TAFA1: variants seen among roughly 807,000 people sequenced by gnomAD.
TAFA1 encodes TAFA chemokine like family member 1.
Under a neutral mutation model 18.5 loss-of-function variants are expected in TAFA1, and 4 were observed. The observed-to-expected ratio is 0.22, with a 90% CI of 0.11 to 0.49. The LOEUF is 0.49. Among genes scored for constraint, TAFA1 ranks in the 20% least tolerant of loss-of-function variants. The pLI, the probability that TAFA1 is intolerant of heterozygous loss-of-function variation, is 0.98. For missense variants in TAFA1, 147 were observed against 169.0 expected (o/e 0.87, Z 0.72); for synonymous variants, 56 against 55.2 (o/e 1.01, Z -0.06).
chr3:68,493,140 C>T (rs890886312), intron 3 of TAFA1, among the ~76,000 whole-genome samples: 4 of 152,086 alleles, frequency 2.6e-5, no homozygotes, highest in Admixed American at 6.5e-5. Flanking sequence ...TAAACAACAA[C>T]TCCCCTTTTC....
rs572380862 is a variant in TAFA1, at chr3:68,295,852, C to T, written c.119-121428C>T. On this transcript the variant is annotated intron_variant, in intron 2 of 4. Coordinates refer to ENST00000478136, the MANE Select transcript of TAFA1 (RefSeq NM_213609.4). ...CTCTAACTCCTGGCCTCAAGTGATC[C>T]TCTCTCCTTGGCCTCCTGTATTCCT... Among the ~76,000 whole-genome samples the T allele has an allele frequency of 3.3e-5, 5 of 152,214 alleles. No individual in the cohort carries two copies. The South Asian group carries it at 1.0e-3, about 32-fold the overall frequency.
At chr3:68,308,221 T>C (rs1044805191) in intron 2 of TAFA1, among the ~76,000 whole-genome samples, 1 of 152,210 alleles carries the variant, frequency 6.6e-6, no homozygotes, top group Non-Finnish European at 1.5e-5. Context: ...TATACACTGC[T>C]TGACATCCAA....
chr3:68,018,168 C>T (rs559768241), intron 2 of TAFA1, among the ~76,000 whole-genome samples: 2 of 152,292 alleles, frequency 1.3e-5, no homozygotes, highest in East Asian at 3.9e-4. Flanking sequence ...AATCTCAAGG[C>T]TGCCTTATCA....
At chr3:68,272,158 A>G (rs2067688580) in intron 2 of TAFA1, among the ~76,000 whole-genome samples, 1 of 152,204 alleles carries the variant, frequency 6.6e-6, no homozygotes, top group Non-Finnish European at 1.5e-5. Context: ...CCACCAGGTG[A>G]AAAGCTGCTC....
chr3:68,062,955 T>A (rs1183589529), intron 2 of TAFA1, among the ~76,000 whole-genome samples: 1 of 152,186 alleles, frequency 6.6e-6, no homozygotes, highest in African/African-American at 2.4e-5. Flanking sequence ...CTGAACTTTA[T>A]CGTCTAACAG....
intron 2 of TAFA1, among the ~76,000 whole-genome samples, chr3:68,317,585 G>T (rs978151247): frequency 6.6e-6 from 1 of 152,248 alleles, no homozygotes; most frequent in Middle Eastern, 3.4e-3. Flanking sequence ...GCTAAAGTGT[G>T]CTCTGTTTTG....
chr3:68,324,320 T>C (rs1469546420), intron 2 of TAFA1, among the ~76,000 whole-genome samples: 1 of 152,226 alleles, frequency 6.6e-6, no homozygotes, highest in Non-Finnish European at 1.5e-5. Flanking sequence ...GCCATAGATG[T>C]TAGATGCTAA....
chr3:68,226,789 A>C (rs1005590336), intron 2 of TAFA1, among the ~76,000 whole-genome samples: 18 of 152,196 alleles, frequency 1.2e-4, no homozygotes, highest in African/African-American at 4.3e-4. Flanking sequence ...CAGAGAACCA[A>C]TAGTTCTCAG....
intron 3 of TAFA1, among the ~76,000 whole-genome samples, chr3:68,527,154 A>C (rs1292363637): frequency 6.6e-6 from 1 of 152,208 alleles, no homozygotes; most frequent in Non-Finnish European, 1.5e-5. Flanking sequence ...AGTGAAAGCA[A>C]GACCAACATT....
intron 2 of TAFA1, among the ~76,000 whole-genome samples, chr3:68,108,023 C>G (rs184095776): frequency 1.3e-5 from 2 of 152,154 alleles, no homozygotes; most frequent in African/African-American, 4.8e-5. Context: ...CAGAAAATGA[C>G]AGGCTGATTG....
At chr3:68,347,906 T>C (rs1474402319) in intron 2 of TAFA1, among the ~76,000 whole-genome samples, 1 of 152,208 alleles carries the variant, frequency 6.6e-6, no homozygotes, top group East Asian at 1.9e-4. Context: ...GGATTCTTTA[T>C]CTCTCTCCAT....
rs181846881 is a variant in TAFA1, at chr3:68,430,829, A to G, written c.259+13409A>G. On this transcript the variant is annotated intron_variant, in intron 3 of 4. Transcript: ENST00000478136. ...ACAACTGCACACACACAGCAAACAA[A>G]CAAAACTTTTGGATGGAAATTTTAA... is the stretch of plus-strand genomic sequence containing the variant. Among the ~76,000 whole-genome samples, 160 of 152,060 alleles carry G rather than the reference A, an allele frequency of 1.1e-3. 1 individual carries two copies. The highest frequency in any genetic ancestry group is 8.5e-3 in the Admixed American group (129 of 15,226).
intron 2 of TAFA1, among the ~76,000 whole-genome samples, chr3:68,111,021 C>T (rs2065256145): frequency 6.6e-6 from 1 of 152,192 alleles, no homozygotes; most frequent in Admixed American, 6.5e-5. Flanking sequence ...CAATCTCTAA[C>T]TCTAGAATTA....
At chr3:68,024,599 C>T (rs983997991) in intron 2 of TAFA1, among the ~76,000 whole-genome samples, 1 of 152,098 alleles carries the variant, frequency 6.6e-6, no homozygotes, top group Non-Finnish European at 1.5e-5. Context: ...GAAGGCTAGC[C>T]TGGTTTACCA....
intron 2 of TAFA1, among the ~76,000 whole-genome samples, chr3:68,100,914 C>G (rs1244403188): frequency 6.6e-6 from 1 of 152,158 alleles, no homozygotes; most frequent in Non-Finnish European, 1.5e-5. Context: ...GTTGGCACAC[C>G]TAGCCAGCAT....
At position 68,057,764 on chromosome 3, in the gene TAFA1, G is replaced by C. The variant is rs182136365; in HGVS notation, c.118+51020G>C. On this transcript the variant is annotated intron_variant, in intron 2 of 4. Coordinates refer to ENST00000478136, the MANE Select transcript of TAFA1 (RefSeq NM_213609.4). ...AAGTGAAAGATACAGCCTCCAGTGA[G>C]AGTCAGAGAAGGAAATGTGACGACA... is the stretch of plus-strand genomic sequence containing the variant. Among the ~76,000 whole-genome samples, 101 of 152,296 alleles carry C rather than the reference G, an allele frequency of 6.6e-4. 1 individual carries two copies. Among genetic ancestry groups the C allele is most frequent in the African/African-American group, 2.4e-3 (98 of 41,588 alleles).
In TAFA1 at chr3:68,114,357, C is replaced by T. The variant is rs145585109; in HGVS notation, c.118+107613C>T. ...CAGAAGAACTATGAGCTAAATAATGCTTATTGTTTTAAATTACTAAGTTGT... is the reference window on the plus strand; with the variant it reads ...CAGAAGAACTATGAGCTAAATAATGTTTATTGTTTTAAATTACTAAGTTGT... On this transcript the variant is annotated intron_variant, in intron 2 of 4. Transcript: ENST00000478136. Among the ~76,000 whole-genome samples the T allele has an allele frequency of 1.1e-3, 163 of 152,276 alleles. 1 individual carries two copies. The highest frequency in any genetic ancestry group is 3.7e-3 in the African/African-American group (153 of 41,536).
chr3:68,271,866 A>G (rs921005160), intron 2 of TAFA1, among the ~76,000 whole-genome samples: 1 of 151,876 alleles, frequency 6.6e-6, no homozygotes, highest in Admixed American at 6.6e-5. Context: ...ACACATTTAA[A>G]TATATACAAT....
chr3:68,137,999 G>A (rs572131059), intron 2 of TAFA1, among the ~76,000 whole-genome samples: 2 of 151,514 alleles, frequency 1.3e-5, no homozygotes, highest in African/African-American at 4.9e-5. Context: ...AAAAAAAAGT[G>A]GATTCAATGA....
Sources: allele counts gnomAD v4.1 joint callset (sites outside exome capture counted in the v4.1 genomes callset), GRCh38; gene constraint gnomAD v4.1.1; transcripts MANE v1.5; gene names NCBI Gene and HGNC (gene_info 2026-07-23, HGNC 2026-07-21).